The following ARHGAP11A variants were observed in gnomAD, a reference collection of about 807,000 sequenced individuals.
The protein encoded by ARHGAP11A is rho GTPase-activating protein 11A.
A neutral mutation model predicts 60.5 loss-of-function variants in ARHGAP11A; 36 were observed. That is an observed-to-expected ratio of 0.59 (90% CI 0.46 to 0.79). The LOEUF is 0.79. Among genes scored for constraint, ARHGAP11A ranks in the 30% least tolerant of loss-of-function variants. The pLI is 0.00. For synonymous variants in ARHGAP11A, 362 were observed against 415.5 expected (o/e 0.87, Z 1.57); for missense variants, 1,071 against 1,199.2 (o/e 0.89, Z 1.58).
intron 2 of ARHGAP11A, among the ~76,000 whole-genome samples, chr15:32,621,705 G>T (rs2053314397): frequency 6.6e-6 from 1 of 152,288 alleles, no homozygotes; most frequent in Non-Finnish European, 1.5e-5. Flanking sequence ...CGCACCTGTA[G>T]TTCCAGCTAC....
Position 32,636,632 on chromosome 15 carries a change from C to CAGTAACTAATGTGGGGAAAGTAAA in ARHGAP11A, c.1861_1884dup (p.Val621_Lys628dup), listed in dbSNP as rs771829860. The CAGTAACTAATGTGGGGAAAGTAAA allele has an allele frequency of 2.1e-5, 34 of 1,613,808 alleles. No homozygotes were observed. In the South Asian group the frequency reaches 3.5e-4, roughly 17 times the overall value. On this transcript the variant is annotated inframe_insertion, in exon 12 of 12. Transcript: ENST00000361627. ...GCATTGATGAATCAGAGGCAGTCAT[C>CAGTAACTAATGTGGGGAAAGTAAA]AGTAACTAATGTGGGGAAAGTAAAA...
chr15:32,625,351 C>T, intron 5 of ARHGAP11A, 108 bp downstream of exon 5: 1 of 1,441,356 alleles, frequency 6.9e-7, no homozygotes, highest in Non-Finnish European at 9.4e-7. Context: ...TATTACTGAC[C>T]TCACCCCCAC....
intron 10 of ARHGAP11A, 55 bp downstream of exon 10, chr15:32,634,096 A>T (rs985501206): frequency 2.2e-5 from 28 of 1,246,656 alleles, no homozygotes; most frequent in Non-Finnish European, 3.0e-5. Context: ...TATAAACTTG[A>T]TACTAAAAAA....
At chr15:32,625,700 A>G in intron 6 of ARHGAP11A, 67 bp downstream of exon 6, 1 of 1,547,756 alleles carries the variant, frequency 6.5e-7, no homozygotes, top group Non-Finnish European at 8.8e-7. Context: ...TTTCACATAA[A>G]GAAGCATGAA....
rs1011442846 is a variant in ARHGAP11A, at chr15:32,636,882, T to G, written c.2109T>G (p.Ile703Met). The G allele has an allele frequency of 1.2e-6, 2 of 1,612,836 alleles. No homozygotes were observed. The highest frequency in any genetic ancestry group is 1.7e-6 in the Non-Finnish European group (2 of 1,179,722). Residue 703 changes from isoleucine (I) to methionine (M), a missense_variant, in exon 12 of 12, where the codon ATT becomes ATG. Physicochemically the swap from Ile to Met is conservative, Grantham distance 10. Around this residue, in one of 4 missense-constraint regions of ARHGAP11A, gnomAD observed 776 missense variants for 760.2 expected, o/e 1.02. Transcript: ENST00000361627. The stretch of plus-strand genomic sequence containing the variant: ...TGAAGATGGAACATGAAAAAGACAT[T>G]CATTCAAATATGCCAAAAGATTATT... Reference protein sequence around the residue: ...TQMKMEHEKDIHSNMPKDYLS... With the variant: ...TQMKMEHEKDMHSNMPKDYLS...
In ARHGAP11A at chr15:32,623,549, T is replaced by A. The variant is rs1212852226; in HGVS notation, c.258T>A (p.Phe86Leu). The A allele has an allele frequency of 6.2e-7, 1 of 1,614,180 alleles. No individual in the cohort carries two copies. The highest frequency in any genetic ancestry group is 1.7e-5 in the Admixed American group (1 of 60,008). Residue 86 changes from phenylalanine to leucine, a missense_variant, in exon 3 of 12, where the codon TTT (phenylalanine) becomes TTA (leucine). Phe to Leu is a conservative substitution (Grantham distance 22). Coordinates refer to ENST00000361627, the MANE Select transcript of ARHGAP11A (RefSeq NM_014783.6). ...LEDHIHTEGLFRKSGSVIRLK... is the reference protein window; with the variant it reads ...LEDHIHTEGLLRKSGSVIRLK... Reference sequence around the variant, plus strand: ...ACCATATTCATACCGAAGGGCTTTTTCGGAAATCAGGATCTGTGATTCGCC... The same window carrying A: ...ACCATATTCATACCGAAGGGCTTTTACGGAAATCAGGATCTGTGATTCGCC...
At chr15:32,623,936 G>A (rs1220508737) in intron 3 of ARHGAP11A, among the ~76,000 whole-genome samples, 3 of 151,990 alleles carry the variant, frequency 2.0e-5, no homozygotes, top group Non-Finnish European at 4.4e-5. Flanking sequence ...GCTAAGGCAG[G>A]AAGATTGCTT....
intron 8 of ARHGAP11A, 88 bp from the exon 9 acceptor site, chr15:32,632,891 G>C: frequency 8.3e-7 from 1 of 1,212,028 alleles, no homozygotes; most frequent in African/African-American, 1.5e-5. Flanking sequence ...AGAAATTAAG[G>C]CTTTGAATCT....
intron 6 of ARHGAP11A, among the ~76,000 whole-genome samples, chr15:32,625,971 A>G (rs993463799): frequency 1.3e-5 from 2 of 152,018 alleles, no homozygotes; most frequent in Admixed American, 6.6e-5. Context: ...CCTATTCTAG[A>G]TGAGAAGGAT....
intron 1 of ARHGAP11A, among the ~76,000 whole-genome samples, chr15:32,619,288 C>T (rs1377602385): frequency 1.3e-5 from 2 of 152,300 alleles, no homozygotes; most frequent in East Asian, 3.9e-4. Flanking sequence ...AATAACCAGA[C>T]ATTTACAGGC....
rs1567045903 is a variant in ARHGAP11A at position 32,615,856 on chromosome 15, T to C, written c.-356T>C. The C allele has an allele frequency of 7.3e-6, 2 of 274,026 alleles. No individual in the cohort carries two copies. Among genetic ancestry groups the C allele is most frequent in the Non-Finnish European group, 1.4e-5 (2 of 144,352 alleles). 17.0% of individuals were successfully genotyped at this position (274,026 alleles called of 1,614,324 possible). ...TTGGAGGAAGGGGGATCGTTGGAAG[T>C]AGCAAGAAGTGGAGAGAATCTGGCA... On this transcript the variant is annotated 5_prime_UTR_variant, in exon 1 of 12. Coordinates refer to ENST00000361627, the MANE Select transcript of ARHGAP11A (RefSeq NM_014783.6).
chr15:32,634,449 T>C (rs1595775289), intron 10 of ARHGAP11A, among the ~76,000 whole-genome samples: 2 of 152,358 alleles, frequency 1.3e-5, no homozygotes, highest in Admixed American at 1.3e-4. Context: ...TCATGTCAAA[T>C]ACTTAAAAGC....
In ARHGAP11A at chr15:32,625,311, A is replaced by G; in HGVS notation, c.715+68A>G. On this transcript the variant is annotated intron_variant, in intron 5 of 11. Coordinates refer to ENST00000361627, the MANE Select transcript of ARHGAP11A (RefSeq NM_014783.6). ...GAAAATCTCTGTTTCTTTCAAAGGA[A>G]CTATGAAGGCAACTGTTAGAAAGTT... The G allele has an allele frequency of 2.7e-6, 4 of 1,502,772 alleles. No homozygotes were observed. In the South Asian group the frequency reaches 5.1e-5, roughly 19 times the overall value. 93.1% of individuals were successfully genotyped at this position (1,502,772 alleles called of 1,614,324 possible). A position where few individuals can be genotyped will look rare whatever the true frequency, so the allele number is the denominator to read the frequency against.
In ARHGAP11A at chr15:32,623,595, A is replaced by G. The variant is rs147119777; in HGVS notation, c.297+7A>G. On this transcript the variant is annotated splice_region_variant and intron_variant, in intron 3 of 11. Coordinates refer to ENST00000361627, the MANE Select transcript of ARHGAP11A (RefSeq NM_014783.6). ...TCGCCTAAAAGCACTAAAGGTGAGC[A>G]TATTGTTGAACTATTAATTTTTCAT... is the stretch of plus-strand genomic sequence containing the variant. 0.032 allele frequency: 50,902 copies of G among 1,607,480 alleles called. 900 individuals are homozygous for G. Among genetic ancestry groups the G allele is most frequent in the Non-Finnish European group, 0.036 (42,224 of 1,177,772 alleles).
Position 32,637,977 on chromosome 15 carries a change from ATTT to A in ARHGAP11A, c.*137_*139del. 2 of 841,186 alleles carry A rather than the reference ATTT, an allele frequency of 2.4e-6. No individual in the cohort carries two copies. The highest frequency in any genetic ancestry group is 3.6e-6 in the Non-Finnish European group (2 of 562,514). The allele number at this position is 841,186 out of a possible 1,614,324, so 52.1% of individuals were successfully genotyped here. A position where few individuals can be genotyped will look rare whatever the true frequency, so the allele number is the denominator to read the frequency against. On this transcript the variant is annotated 3_prime_UTR_variant, in exon 12 of 12. Transcript: ENST00000361627. ...AGATTTGCTCTATTGAAAATGTTTC[ATTT>A]TTTTCACTGTACAAGCAACTTAGAT... is the stretch of plus-strand genomic sequence containing the variant.
chr15:32,633,897 A>T, intron 9 of ARHGAP11A, 36 bp from the exon 10 acceptor site: 3 of 1,351,066 alleles, frequency 2.2e-6, no homozygotes, highest in Non-Finnish European at 3.1e-6. Context: ...TGGTGTTTAT[A>T]CTATAAACTG....
intron 3 of ARHGAP11A, among the ~76,000 whole-genome samples, 177 bp downstream of exon 3, chr15:32,623,765 T>G (rs573380692): frequency 6.6e-6 from 1 of 152,330 alleles, no homozygotes; most frequent in East Asian, 1.9e-4. Context: ...CTATCATGCT[T>G]TAAAAATTTA....
rs770972943 is a variant in ARHGAP11A at position 32,625,525 on chromosome 15, A to T, written c.754A>T (p.Met252Leu). The change falls in exon 6 of 12, where the codon ATG becomes TTG. Residue 252 changes from methionine to leucine, a missense_variant. Physicochemically the swap from Met to Leu is conservative, Grantham distance 15. Around this residue, in one of 4 missense-constraint regions of ARHGAP11A, gnomAD observed 196 missense variants for 272.1 expected, o/e 0.72. Coordinates refer to ENST00000361627, the MANE Select transcript of ARHGAP11A (RefSeq NM_014783.6). ...TTTTATCCTGGAAAAGATACCAGCC[A>T]TGTTGGGTATTGATGGTCTCTGTGC... ...PDFILEKIPA[M>L]LGIDGLCATP... The T allele has an allele frequency of 2.8e-5, 45 of 1,613,810 alleles. No individual in the cohort carries two copies. The highest frequency in any genetic ancestry group is 2.8e-5 in the Non-Finnish European group (33 of 1,179,850).
chr15:32,628,082 T>C (rs2053507440), intron 6 of ARHGAP11A, among the ~76,000 whole-genome samples: 1 of 152,214 alleles, frequency 6.6e-6, no homozygotes, highest in Non-Finnish European at 1.5e-5. Flanking sequence ...AATGCTAGGA[T>C]TACAGGTGTG....
Sources: allele counts gnomAD v4.1 joint callset (sites outside exome capture counted in the v4.1 genomes callset), GRCh38; gene constraint gnomAD v4.1.1; regional missense constraint gnomAD v4.1.1; transcripts MANE v1.5; gene names NCBI Gene and HGNC (gene_info 2026-07-23, HGNC 2026-07-21).